Variants in CDKAL1 observed in about 807,000 individuals in gnomAD.
The protein encoded by CDKAL1 is CDKAL1 threonylcarbamoyladenosine tRNA methylthiotransferase.
Under a neutral mutation model 68.2 loss-of-function variants are expected in CDKAL1, and 32 were observed. The ratio of observed to expected loss-of-function variants is 0.47; its 90% CI spans 0.35 to 0.63. CDKAL1 has a LOEUF of 0.63. CDKAL1 is among the 30% of genes least tolerant of loss of function. The probability of loss-of-function intolerance (pLI) is 0.00; values close to 1 mark genes in which losing one functional copy is unlikely to be tolerated. For missense variants in CDKAL1, 606 were observed against 696.7 expected (o/e 0.87, Z 1.47); for synonymous variants, 234 against 244.3 (o/e 0.96, Z 0.39).
chr6:20,562,487 C>G (rs540922479), intron 4 of CDKAL1, among the ~76,000 whole-genome samples: 1 of 152,084 alleles, frequency 6.6e-6, no homozygotes, highest in South Asian at 2.1e-4. Flanking sequence ...TGGTGGCTCA[C>G]GCCTGTAATC....
At chr6:20,807,810 G>A (rs1012150042) in intron 8 of CDKAL1, among the ~76,000 whole-genome samples, 1 of 152,098 alleles carries the variant, frequency 6.6e-6, no homozygotes, top group Non-Finnish European at 1.5e-5. Flanking sequence ...TTCCAAATTT[G>A]CAGCAGATAA....
chr6:21,079,139 G>T (rs1772244366), intron 12 of CDKAL1, among the ~76,000 whole-genome samples: 1 of 152,178 alleles, frequency 6.6e-6, no homozygotes, highest in Non-Finnish European at 1.5e-5. Context: ...CATTCCCATT[G>T]GGGCGGTGAG....
At chr6:21,104,346 A>G (rs1773737115) in intron 12 of CDKAL1, among the ~76,000 whole-genome samples, 1 of 152,206 alleles carries the variant, frequency 6.6e-6, no homozygotes, top group Admixed American at 6.5e-5. Context: ...AGAAGGAGCC[A>G]GGAATTTTGC....
chr6:21,171,491 C>T (rs915483826), intron 13 of CDKAL1, among the ~76,000 whole-genome samples: 1 of 152,136 alleles, frequency 6.6e-6, no homozygotes, highest in South Asian at 2.1e-4. Context: ...GGATTACAGG[C>T]TGAGCCACCC....
At chr6:20,762,291 C>T (rs897779778) in intron 7 of CDKAL1, among the ~76,000 whole-genome samples, 2 of 151,884 alleles carry the variant, frequency 1.3e-5, no homozygotes, top group Admixed American at 6.6e-5. Context: ...GAAAGTGAGT[C>T]GAAGATGAAG....
At chr6:20,548,772 C>A in intron 4 of CDKAL1, 67 bp downstream of exon 4, 1 of 707,216 alleles carries the variant, frequency 1.4e-6, no homozygotes, top group Non-Finnish European at 2.4e-6. Flanking sequence ...AGATAAATAG[C>A]CTAGCAGTTA....
intron 13 of CDKAL1, among the ~76,000 whole-genome samples, chr6:21,132,355 C>T (rs1446137384): frequency 2.6e-5 from 4 of 151,996 alleles, no homozygotes; most frequent in Non-Finnish European, 5.9e-5. Flanking sequence ...GGAAAACACT[C>T]ATTATTAGGA....
At chr6:20,808,544 C>A (rs1776666287) in intron 8 of CDKAL1, among the ~76,000 whole-genome samples, 2 of 152,044 alleles carry the variant, frequency 1.3e-5, no homozygotes, top group Non-Finnish European at 2.9e-5. Context: ...AGTGTTCTTG[C>A]AGACAAGGAG....
intron 13 of CDKAL1, among the ~76,000 whole-genome samples, chr6:21,160,769 T>C (rs761280201): frequency 2.6e-5 from 4 of 151,046 alleles, no homozygotes; most frequent in Non-Finnish European, 4.4e-5. Context: ...GTTACATAGG[T>C]ATACATGTGC....
intron 10 of CDKAL1, among the ~76,000 whole-genome samples, chr6:20,991,476 C>A (rs1274567949): frequency 6.6e-6 from 1 of 151,710 alleles, no homozygotes; most frequent in Non-Finnish European, 1.5e-5. Flanking sequence ...GGATGGCAGA[C>A]GTGGGTGGGT....
chr6:20,990,025 C>T (rs1766708181), intron 10 of CDKAL1, among the ~76,000 whole-genome samples: 1 of 152,036 alleles, frequency 6.6e-6, no homozygotes, highest in Admixed American at 6.6e-5. Context: ...GGCAGATCAC[C>T]TGAGGTCAGA....
intron 9 of CDKAL1, among the ~76,000 whole-genome samples, chr6:20,860,931 C>CTT (rs1354222916): frequency 1.1e-5 from 1 of 94,284 alleles, no homozygotes; most frequent in Non-Finnish European, 2.0e-5. Flanking sequence ...GTAGTGTGGT[C>CTT]TATTTTTTTT....
intron 4 of CDKAL1, among the ~76,000 whole-genome samples, chr6:20,555,990 G>T (rs1052240615): frequency 1.3e-5 from 2 of 152,058 alleles, no homozygotes; most frequent in Non-Finnish European, 2.9e-5. Context: ...TGGAAAGAAG[G>T]GGGTATATAT....
At chr6:20,537,821 C>T (rs932780893) in intron 2 of CDKAL1, among the ~76,000 whole-genome samples, 1 of 152,096 alleles carries the variant, frequency 6.6e-6, no homozygotes, top group Non-Finnish European at 1.5e-5. Context: ...ACGCTGCTTT[C>T]CTTTTATTCT....
intron 9 of CDKAL1, among the ~76,000 whole-genome samples, chr6:20,933,229 C>T (rs1281669170): frequency 6.6e-6 from 1 of 152,192 alleles, no homozygotes; most frequent in Non-Finnish European, 1.5e-5. Context: ...ATTTACCTTA[C>T]CCATGAGAAA....
At chr6:21,160,738 G>A (rs1364507763) in intron 13 of CDKAL1, among the ~76,000 whole-genome samples, 11 of 148,892 alleles carry the variant, frequency 7.4e-5, no homozygotes, top group African/African-American at 1.2e-4. Flanking sequence ...TCTGGTATAC[G>A]TGTGCAGAAC....
At chr6:21,202,446 G>A (rs987744944) in intron 15 of CDKAL1, among the ~76,000 whole-genome samples, 1 of 152,148 alleles carries the variant, frequency 6.6e-6, no homozygotes, top group African/African-American at 2.4e-5. Flanking sequence ...CCAGGAAGGA[G>A]CAGTGTAACC....
At chr6:20,921,964 C>T (rs1250465002) in intron 9 of CDKAL1, among the ~76,000 whole-genome samples, 1 of 152,136 alleles carries the variant, frequency 6.6e-6, no homozygotes, top group Admixed American at 6.5e-5. Context: ...GTTACTTTAG[C>T]GGCCTTAGTT....
At chr6:20,794,915 A>G (rs1290561326) in intron 8 of CDKAL1, among the ~76,000 whole-genome samples, 3 of 152,162 alleles carry the variant, frequency 2.0e-5, no homozygotes, top group African/African-American at 4.8e-5. Context: ...AAATATATGT[A>G]GGTCAAAATA....
Sources: gnomAD v4.1 joint callset for allele counts (sites outside exome capture counted in the v4.1 genomes callset) on GRCh38, gnomAD v4.1.1 for gene constraint, MANE v1.5 for transcripts, NCBI Gene and HGNC (gene_info 2026-07-23, HGNC 2026-07-21) for gene names.